Variants in CGNL1 observed in about 807,000 individuals in gnomAD.
CGNL1 encodes cingulin-like protein 1.
Under a neutral mutation model 141.2 loss-of-function variants are expected in CGNL1, and 132 were observed. That is an observed-to-expected ratio of 0.93 (90% confidence interval 0.81 to 1.08). The LOEUF is 1.08. Ranked by LOEUF, CGNL1 falls within the 50% of genes least tolerant of loss-of-function variation. The pLI is 0.00. For synonymous variants in CGNL1, 690 were observed against 622.1 expected, an observed-to-expected ratio of 1.11 and a Z score of -1.63; for missense variants, 1,870 against 1,588.6, an observed-to-expected ratio of 1.18 and a Z score of -3.01.
intron 7 of CGNL1, among the ~76,000 whole-genome samples, chr15:57,461,174 T>C (rs949455989): frequency 3.3e-5 from 5 of 151,978 alleles, no homozygotes; most frequent in African/African-American, 1.2e-4. Context: ...AATATGAATA[T>C]TGTGCTCTGC....
At chr15:57,538,116 C>G (rs1424085322) in intron 14 of CGNL1, among the ~76,000 whole-genome samples, 1 of 152,240 alleles carries the variant, frequency 6.6e-6, no homozygotes, top group Non-Finnish European at 1.5e-5. Flanking sequence ...GCACTGAGGA[C>G]AGCTAACAGC....
chr15:57,516,893 A>T lies in CGNL1; in HGVS notation c.2517A>T (p.Glu839Asp). ...ATGAGAAGCTGCAGGGAAGAAGCGA[A>T]GAGCTGGAGCGGAGAGTTGCTCAGC... is the stretch of plus-strand genomic sequence containing the variant. Reference protein sequence around the residue: ...EENEKLQGRSEELERRVAQLQ... With the variant: ...EENEKLQGRSDELERRVAQLQ... Residue 839 changes from glutamate to aspartate, a missense_variant, in exon 9 of 19, where the codon GAA becomes GAT. Transcript: ENST00000281282. 6.2e-7 allele frequency: 1 copy of T among 1,613,544 alleles called. No individual in the cohort carries two copies. The highest frequency in any genetic ancestry group is 8.5e-7 in the Non-Finnish European group (1 of 1,180,028).
At chr15:57,503,153 A>C (rs1453885102) in intron 8 of CGNL1, among the ~76,000 whole-genome samples, 1 of 152,166 alleles carries the variant, frequency 6.6e-6, no homozygotes, top group Non-Finnish European at 1.5e-5. Context: ...TTAATTGTCA[A>C]AGCCAGGGCC....
chr15:57,427,661 A>G (rs1351271094), intron 1 of CGNL1, among the ~76,000 whole-genome samples: 1 of 152,256 alleles, frequency 6.6e-6, no homozygotes, highest in Non-Finnish European at 1.5e-5. Context: ...TGAAAGCACA[A>G]CATATTCCGA....
intron 10 of CGNL1, among the ~76,000 whole-genome samples, chr15:57,519,339 G>A (rs1179688463): frequency 6.6e-6 from 1 of 152,186 alleles, no homozygotes; most frequent in Non-Finnish European, 1.5e-5. Context: ...AGGGATAGGT[G>A]AAGTGGGGGC....
chr15:57,392,117 G>A (rs532608278), intron 1 of CGNL1, among the ~76,000 whole-genome samples: 2 of 152,280 alleles, frequency 1.3e-5, no homozygotes, highest in Admixed American at 1.3e-4. Context: ...ATGGGATGGT[G>A]CTGTGGTTTT....
chr15:57,378,363 G>GTTTTTTTTTTTTTTTTTT (rs71116514), intron 1 of CGNL1, among the ~76,000 whole-genome samples: 4 of 33,938 alleles, frequency 1.2e-4, no homozygotes, highest in Non-Finnish European at 2.2e-4. Flanking sequence ...CCCTCTATGT[G>GTTTTTTTTTTTTTTTTTT]TTTTTTTTTT....
intron 5 of CGNL1, 84 bp downstream of exon 5, chr15:57,451,685 G>A: frequency 1.1e-6 from 1 of 938,292 alleles, no homozygotes; most frequent in Non-Finnish European, 1.6e-6. Flanking sequence ...GATAACCAGA[G>A]TGAAAGCCAA....
At chr15:57,546,990 A>G (rs560586765) in intron 18 of CGNL1, among the ~76,000 whole-genome samples, 1 of 152,342 alleles carries the variant, frequency 6.6e-6, no homozygotes, top group South Asian at 2.1e-4. Context: ...AAAAATCTCA[A>G]TAATTAAGAT....
Position 57,544,606 on chromosome 15 carries a change from G to C in CGNL1, c.3500+9G>C. 3 of 1,567,868 alleles carry C rather than the reference G, an allele frequency of 1.9e-6. No individual in the cohort carries two copies. The highest frequency in any genetic ancestry group is 2.6e-6 in the Non-Finnish European group (3 of 1,155,816). On this transcript the variant is annotated intron_variant, in intron 16 of 18. Transcript: ENST00000281282. ...CTGGAGAGTGAGGAGAGGTGAGCCGGGCCCACCCACTGCAGTGCGGAGGCC... is the reference window on the plus strand; with the variant it reads ...CTGGAGAGTGAGGAGAGGTGAGCCGCGCCCACCCACTGCAGTGCGGAGGCC...
intron 12 of CGNL1, 90 bp downstream of exon 12, chr15:57,524,841 T>C: frequency 1.5e-6 from 2 of 1,310,152 alleles, no homozygotes; most frequent in East Asian, 4.9e-5. Flanking sequence ...TGGGGGTAGA[T>C]TCGTGAGACA....
chr15:57,500,632 G>T (rs16977546), intron 8 of CGNL1, among the ~76,000 whole-genome samples: 4,709 of 137,764 alleles, frequency 0.034, 262 homozygotes, highest in African/African-American at 0.12. Flanking sequence ...TGTGAAAAAT[G>T]TGGATTGAGA....
At chr15:57,515,840 A>C (rs2030730093) in intron 8 of CGNL1, among the ~76,000 whole-genome samples, 1 of 152,108 alleles carries the variant, frequency 6.6e-6, no homozygotes. Context: ...TGTACTCCGA[A>C]GCTGCCCTTC....
intron 1 of CGNL1, among the ~76,000 whole-genome samples, chr15:57,419,203 T>G (rs1050054316): frequency 6.6e-6 from 1 of 152,134 alleles, no homozygotes; most frequent in Non-Finnish European, 1.5e-5. Context: ...GTGCTGACAG[T>G]AAGGCGTGAG....
At position 57,438,620 on chromosome 15, in the gene CGNL1, C is replaced by T. The variant is rs1166590125; in HGVS notation, c.621C>T (p.Asp207=). 6.2e-7 allele frequency: 1 copy of T among 1,613,994 alleles called. No individual in the cohort carries two copies. The highest frequency in any genetic ancestry group is 1.7e-5 in the Admixed American group (1 of 60,030). ...AGCCTACCAGTCCCTCCTTGGAAGA[C>T]CCGGCCAAATCTGGTGTGACAGCTA... ...NSQPTSPSLE[D]PAKSGVTAIR... Residue 207 remains aspartate, a synonymous_variant, in exon 2 of 19, where the codon GAC becomes GAT. Coordinates refer to ENST00000281282, the MANE Select transcript of CGNL1 (RefSeq NM_032866.5).
At chr15:57,416,435 T>C (rs2062850339) in intron 1 of CGNL1, among the ~76,000 whole-genome samples, 2 of 152,156 alleles carry the variant, frequency 1.3e-5, no homozygotes, top group South Asian at 4.1e-4. Flanking sequence ...CTAAGATCCC[T>C]GGCTAGACCT....
intron 1 of CGNL1, among the ~76,000 whole-genome samples, chr15:57,382,580 A>T (rs900517798): frequency 6.6e-6 from 1 of 152,154 alleles, no homozygotes; most frequent in Non-Finnish European, 1.5e-5. Context: ...CCTGTTACTT[A>T]TCTCTTTGCT....
intron 3 of CGNL1, among the ~76,000 whole-genome samples, chr15:57,441,153 G>A (rs1269771991): frequency 6.6e-6 from 1 of 151,066 alleles, no homozygotes; most frequent in Non-Finnish European, 1.5e-5. Context: ...TCAAAATACT[G>A]TATATTTTTG....
At chr15:57,514,881 T>G (rs2030640393) in intron 8 of CGNL1, among the ~76,000 whole-genome samples, 1 of 152,220 alleles carries the variant, frequency 6.6e-6, no homozygotes, top group Admixed American at 6.5e-5. Flanking sequence ...TGAATTGTCT[T>G]GGCACCCTTG....
Sources: gnomAD v4.1 joint callset for allele counts (sites outside exome capture counted in the v4.1 genomes callset) on GRCh38, gnomAD v4.1.1 for gene constraint, MANE v1.5 for transcripts, NCBI Gene and HGNC (gene_info 2026-07-23, HGNC 2026-07-21) for gene names.